Variants in SCFD2 observed in about 807,000 individuals in gnomAD.
The protein encoded by SCFD2 is sec1 family domain containing 2, also known as sec1 family domain-containing protein 2.
SCFD2 carries 54 observed loss-of-function variants against 58.9 expected under a neutral mutation model. The observed-to-expected ratio is 0.92, with a 90% confidence interval of 0.74 to 1.15. SCFD2 has a LOEUF of 1.15. Among genes scored for constraint, SCFD2 ranks in the 50% most tolerant of loss-of-function variants. The pLI is 0.00. For missense variants in SCFD2, 805 were observed against 836.6 expected (o/e 0.96, Z 0.47); for synonymous variants, 321 against 335.9 (o/e 0.96, Z 0.49).
chr4:53,189,419 T>C (rs1336082131), intron 4 of SCFD2, among the ~76,000 whole-genome samples: 1 of 152,322 alleles, frequency 6.6e-6, no homozygotes, highest in East Asian at 1.9e-4. Flanking sequence ...CCAGTTGATC[T>C]ACCTGTCTTG....
intron 5 of SCFD2, among the ~76,000 whole-genome samples, chr4:53,101,548 A>G (rs899298901): frequency 6.6e-6 from 1 of 152,202 alleles, no homozygotes; most frequent in Non-Finnish European, 1.5e-5. Context: ...TTCAAATGGA[A>G]AAGAATGCAG....
chr4:52,892,643 T>C (rs1248873365), intron 7 of SCFD2, among the ~76,000 whole-genome samples: 3 of 152,196 alleles, frequency 2.0e-5, no homozygotes, highest in African/African-American at 7.2e-5. Context: ...CCTGGGAAGC[T>C]TTCTCTGACT....
chr4:52,939,489 C>G (rs1366407289), intron 5 of SCFD2, among the ~76,000 whole-genome samples: 1 of 152,000 alleles, frequency 6.6e-6, no homozygotes, highest in Non-Finnish European at 1.5e-5. Flanking sequence ...CATAGGAACA[C>G]TAGGAGGGAA....
chr4:53,316,041 T>C lies in SCFD2; in HGVS notation c.1008-2278A>G, dbSNP rs534728270. Among the ~76,000 whole-genome samples, 3 of 152,234 alleles carry C rather than the reference T, an allele frequency of 2.0e-5. No homozygotes were observed. The East Asian group carries it at 5.8e-4, about 29-fold the overall frequency. The stretch of plus-strand genomic sequence containing the variant: ...GGAACACTCTTTCTACAAATCTCTC[T>C]CTCCCTCCAGGTATCTGCTAAAACA... On this transcript the variant is annotated intron_variant, in intron 2 of 8. Transcript: ENST00000401642.
chr4:53,034,473 G>A (rs1312963670), intron 5 of SCFD2, among the ~76,000 whole-genome samples: 2 of 152,138 alleles, frequency 1.3e-5, no homozygotes, highest in African/African-American at 4.8e-5. Flanking sequence ...ATTCTGGCCA[G>A]GGCAATCAGG....
At chr4:53,151,375 G>A (rs979698086) in intron 4 of SCFD2, among the ~76,000 whole-genome samples, 20 of 152,210 alleles carry the variant, frequency 1.3e-4, no homozygotes, top group Non-Finnish European at 2.2e-4. Context: ...TGTCTAGAGT[G>A]ACAAAACCTT....
intron 5 of SCFD2, among the ~76,000 whole-genome samples, chr4:53,017,320 G>A (rs1182795205): frequency 6.6e-6 from 1 of 152,120 alleles, no homozygotes; most frequent in East Asian, 1.9e-4. Flanking sequence ...AATCACATAT[G>A]AAAAACAAGG....
chr4:53,164,312 G>A (rs1235199694), intron 4 of SCFD2, among the ~76,000 whole-genome samples: 2 of 152,126 alleles, frequency 1.3e-5, no homozygotes, highest in African/African-American at 4.8e-5. Context: ...AGTGACTGCT[G>A]CACTGCCTCA....
intron 5 of SCFD2, chr4:52,948,855 CA>C (rs1485097038): frequency 5.5e-6 from 1 of 183,368 alleles, no homozygotes; most frequent in Non-Finnish European, 1.1e-5. Context: ...CTTTCTCCCA[CA>C]TCCCGCCTTC....
In SCFD2 at chr4:53,298,026, G is replaced by A. The variant is rs190326579; in HGVS notation, c.1135+15610C>T. On this transcript the variant is annotated intron_variant, in intron 3 of 8. Coordinates refer to ENST00000401642, the MANE Select transcript of SCFD2 (RefSeq NM_152540.4). ...TACAGCTCCCAGCATGAACGACACA[G>A]AAGACGGGTGATTTCTGCATTTCCA... 1.1e-3 allele frequency among the ~76,000 whole-genome samples: 172 copies of A among 152,306 alleles called. 4 individuals are homozygous for A. In the East Asian group the frequency reaches 0.025, roughly 22 times the overall value.
chr4:53,355,342 CTCTAGCTAT>C (rs2149167531), intron 1 of SCFD2, among the ~76,000 whole-genome samples: 1 of 152,220 alleles, frequency 6.6e-6, no homozygotes, highest in African/African-American at 2.4e-5. Flanking sequence ...TCATTTTTTT[CTCTAGCTAT>C]TCTAGAAGAT....
At chr4:53,085,692 G>C (rs921804152) in intron 5 of SCFD2, among the ~76,000 whole-genome samples, 6 of 151,984 alleles carry the variant, frequency 3.9e-5, no homozygotes, top group African/African-American at 1.2e-4. Flanking sequence ...CAGACACATA[G>C]ACCAATGAAA....
At chr4:53,346,565 C>G (rs1734065527) in intron 2 of SCFD2, among the ~76,000 whole-genome samples, 1 of 152,058 alleles carries the variant, frequency 6.6e-6, no homozygotes, top group Admixed American at 6.5e-5. Context: ...TGAGCCACCA[C>G]CCCCAGCCTT....
intron 5 of SCFD2, among the ~76,000 whole-genome samples, chr4:53,085,242 T>C (rs1488985835): frequency 2.0e-5 from 3 of 151,916 alleles, no homozygotes; most frequent in African/African-American, 7.3e-5. Context: ...ATATCAACAG[T>C]GAACAATCTG....
chr4:53,259,182 T>G (rs1472826382), intron 4 of SCFD2, among the ~76,000 whole-genome samples: 2 of 152,246 alleles, frequency 1.3e-5, no homozygotes, highest in Non-Finnish European at 2.9e-5. Flanking sequence ...CTATTAACCC[T>G]GCTGATTATT....
intron 3 of SCFD2, among the ~76,000 whole-genome samples, chr4:53,309,894 T>C (rs1005659518): frequency 5.9e-5 from 9 of 152,186 alleles, no homozygotes; most frequent in African/African-American, 1.2e-4. Flanking sequence ...TCAGAGCTTT[T>C]ATTCTCCTTC....
intron 5 of SCFD2, among the ~76,000 whole-genome samples, chr4:53,003,207 T>C (rs1025498854): frequency 4.6e-5 from 7 of 152,224 alleles, no homozygotes; most frequent in African/African-American, 1.7e-4. Flanking sequence ...CCTTCTTTTC[T>C]TTCTTTCATT....
At chr4:53,097,631 T>C (rs1161347796) in intron 5 of SCFD2, among the ~76,000 whole-genome samples, 1 of 152,176 alleles carries the variant, frequency 6.6e-6, no homozygotes, top group Non-Finnish European at 1.5e-5. Flanking sequence ...ACGATGGGGT[T>C]TTCTAAATAC....
chr4:53,333,614 G>A (rs1055967658), intron 2 of SCFD2, among the ~76,000 whole-genome samples: 25 of 149,928 alleles, frequency 1.7e-4, no homozygotes, highest in African/African-American at 6.1e-4. Flanking sequence ...ATGGATTAAA[G>A]ACTTAAACGT....
Sources: allele counts gnomAD v4.1 joint callset (sites outside exome capture counted in the v4.1 genomes callset), GRCh38; gene constraint gnomAD v4.1.1; transcripts MANE v1.5; gene names NCBI Gene and HGNC (gene_info 2026-07-23, HGNC 2026-07-21).